RGPD2: variants seen among roughly 807,000 people sequenced by gnomAD.
RGPD2 encodes RANBP2 like and GRIP domain containing 2.
RGPD2 carries 2 observed loss-of-function variants against 36.0 expected under a neutral mutation model. The ratio of observed to expected loss-of-function variants is 0.06; its 90% CI spans 0.02 to 0.17. RGPD2 has a LOEUF of 0.17. Ranked by LOEUF, RGPD2 falls within the 10% of genes least tolerant of loss-of-function variation. The pLI is 1.00. For synonymous variants in RGPD2, 19 were observed against 163.8 expected, an observed-to-expected ratio of 0.12 and a Z score of 6.75; for missense variants, 40 against 464.3, an observed-to-expected ratio of 0.09 and a Z score of 8.40.
At chr2:87,988,594 G>T in the RGPD2 span, among the ~76,000 whole-genome samples, 10 of 139,424 alleles carry the variant, frequency 7.2e-5, no homozygotes, top group Admixed American at 7.8e-4. Context: ...AGGCTGGAGT[G>T]CAGTGGCACG....
chr2:87,840,429 GCA>G, the RGPD2 span, among the ~76,000 whole-genome samples: 1 of 150,158 alleles, frequency 6.7e-6, no homozygotes, highest in South Asian at 2.1e-4. Flanking sequence ...ATTTTTAGCT[GCA>G]CAGTTTGTGG....
At chr2:87,939,431 A>C in the RGPD2 span, among the ~76,000 whole-genome samples, 3 of 151,974 alleles carry the variant, frequency 2.0e-5, no homozygotes, top group African/African-American at 7.2e-5. Context: ...GCAAGTCTTT[A>C]ACTGAACTTA....
chr2:87,857,563 C>T, the RGPD2 span, among the ~76,000 whole-genome samples: 2 of 150,732 alleles, frequency 1.3e-5, no homozygotes, highest in East Asian at 2.1e-4. Flanking sequence ...AGGATGGTCT[C>T]GATCTCCTGA....
At chr2:87,964,348 CA>C in the RGPD2 span, among the ~76,000 whole-genome samples, 1 of 151,832 alleles carries the variant, frequency 6.6e-6, no homozygotes, top group African/African-American at 2.4e-5. Context: ...AAATACAGTT[CA>C]TTTGTCCAGC....
At chr2:87,975,701 G>C in the RGPD2 span, among the ~76,000 whole-genome samples, 1 of 152,238 alleles carries the variant, frequency 6.6e-6, no homozygotes, top group African/African-American at 2.4e-5. Flanking sequence ...GTGTATCTCT[G>C]TATTTACTTG....
the RGPD2 span, among the ~76,000 whole-genome samples, chr2:87,913,302 C>A: frequency 6.6e-6 from 1 of 151,288 alleles, no homozygotes; most frequent in African/African-American, 2.4e-5. Flanking sequence ...GACAAAAAAC[C>A]AAACACCGCA....
At chr2:87,877,056 T>C in the RGPD2 span, among the ~76,000 whole-genome samples, 1 of 152,300 alleles carries the variant, frequency 6.6e-6, no homozygotes, top group South Asian at 2.1e-4. Flanking sequence ...ATTTTCTTGG[T>C]AGATTTTTCT....
At chr2:87,896,871 T>C in the RGPD2 span, among the ~76,000 whole-genome samples, 28 of 133,230 alleles carry the variant, frequency 2.1e-4, no homozygotes, top group Admixed American at 1.3e-3. Context: ...AAGTCTCTTT[T>C]AGAAACAAGA....
the RGPD2 span, among the ~76,000 whole-genome samples, chr2:87,854,999 T>C: frequency 2.0e-5 from 3 of 151,240 alleles, no homozygotes; most frequent in Non-Finnish European, 4.4e-5. Context: ...ATGCTGTCCG[T>C]GTGTGTGTGT....
At chr2:87,857,637 A>C in the RGPD2 span, among the ~76,000 whole-genome samples, 2 of 151,896 alleles carry the variant, frequency 1.3e-5, no homozygotes, top group Admixed American at 1.3e-4. Flanking sequence ...AAATATTCGT[A>C]TACTTAAAAT....
chr2:87,961,364 G>A, the RGPD2 span, among the ~76,000 whole-genome samples: 6 of 151,918 alleles, frequency 3.9e-5, no homozygotes, highest in South Asian at 6.2e-4. Context: ...GTCGGCGCTC[G>A]AGCTGCACTC....
chr2:87,825,493 C>CGGCCA (rs1553430613), intron 1 of RGPD2, among the ~76,000 whole-genome samples, 165 bp downstream of exon 1: 4 of 69,106 alleles, frequency 5.8e-5, no homozygotes, highest in African/African-American at 1.6e-4. Context: ...CGCCGCCGCC[C>CGGCCA]GGCCGAGGCC....
At chr2:87,846,816 A>G in the RGPD2 span, among the ~76,000 whole-genome samples, 3 of 149,242 alleles carry the variant, frequency 2.0e-5, no homozygotes, top group Non-Finnish European at 4.5e-5. Flanking sequence ...TATTTTTTAT[A>G]TTTTGATTAG....
the RGPD2 span, among the ~76,000 whole-genome samples, chr2:87,927,284 T>C: frequency 4.6e-5 from 6 of 129,270 alleles, no homozygotes; most frequent in Non-Finnish European, 6.7e-5. Flanking sequence ...TATGTGCCAG[T>C]AATTGTGCTA....
At chr2:87,842,780 T>C in the RGPD2 span, among the ~76,000 whole-genome samples, 3 of 151,904 alleles carry the variant, frequency 2.0e-5, no homozygotes, top group African/African-American at 7.3e-5. Flanking sequence ...AGAACAAAGC[T>C]GGAGGCATCA....
chr2:87,825,046 A>C, intron 1 of RGPD2: 19 of 236,440 alleles, frequency 8.0e-5, no homozygotes, highest in Non-Finnish European at 1.1e-4. Flanking sequence ...ATTACCATCT[A>C]CCCCCCTCAC....
Position 87,825,662 on chromosome 2 carries a change from C to G in RGPD2, c.68G>C (p.Gly23Ala). The G allele has an allele frequency of 6.3e-7, 1 of 1,583,436 alleles. No homozygotes were observed. The highest frequency in any genetic ancestry group is 8.6e-7 in the Non-Finnish European group (1 of 1,165,482). ...GTCTCTTCGAGATCCACTCACCTTTCCAGGCGACGGGGCGGAGCCCTGCAC... is the reference window on the plus strand; with the variant it reads ...GTCTCTTCGAGATCCACTCACCTTTGCAGGCGACGGGGCGGAGCCCTGCAC... ...ASVQGSAPSP[G>A]KKLRGFYFAK... is the part of the protein sequence containing the mutation. Residue 23 changes from glycine (G) to alanine (A), a missense_variant, in exon 1 of 23, where the codon GGA (glycine) becomes GCA (alanine). By Grantham distance (60) the Gly-to-Ala change is moderately conservative (BLOSUM62 0). Transcript: ENST00000398146.
At chr2:87,822,373 G>A (rs78706706) in intron 1 of RGPD2, among the ~76,000 whole-genome samples, 14,089 of 147,566 alleles carry the variant, frequency 0.095, 319 homozygotes, top group South Asian at 0.2. Context: ...CCAATTGAAA[G>A]GACACTTCCA....
the RGPD2 span, among the ~76,000 whole-genome samples, chr2:87,972,181 A>G: frequency 1.3e-5 from 2 of 151,982 alleles, no homozygotes; most frequent in Non-Finnish European, 2.9e-5. Context: ...AAGGTACAAA[A>G]CACTATCACA....
Sources: gnomAD v4.1 joint callset for allele counts (sites outside exome capture counted in the v4.1 genomes callset) on GRCh38, gnomAD v4.1.1 for gene constraint, MANE v1.5 for transcripts, NCBI Gene and HGNC (gene_info 2026-07-23, HGNC 2026-07-21) for gene names.